The following ANKRD24 variants were observed in gnomAD, a reference collection of about 807,000 sequenced individuals.
ANKRD24 encodes the protein ankyrin repeat domain 24.
Under a neutral mutation model 127.8 loss-of-function variants are expected in ANKRD24, and 109 were observed. That is an observed-to-expected ratio of 0.85 (90% CI 0.73 to 1.00). The LOEUF is 1.00. Ranked by LOEUF, ANKRD24 falls within the 50% of genes least tolerant of loss-of-function variation. ANKRD24 has a pLI of 0.00. For missense variants in ANKRD24, 1,648 were observed against 1,570.2 expected, an observed-to-expected ratio of 1.05 and a Z score of -0.84; for synonymous variants, 743 against 671.1, an observed-to-expected ratio of 1.11 and a Z score of -1.66.
Position 4,217,491 on chromosome 19 carries a change from CG to C in ANKRD24, c.2336del (p.Gly779AlafsTer231). 2.8e-6 allele frequency: 4 copies of C among 1,414,966 alleles called. No individual in the cohort carries two copies. The highest frequency in any genetic ancestry group is 3.7e-6 in the Non-Finnish European group (4 of 1,089,778). The allele number at this position is 1,414,966 out of a possible 1,614,324, so 87.7% of individuals were successfully genotyped here. On this transcript the variant is annotated frameshift_variant, in exon 18 of 22. Transcript: ENST00000318934. LOFTEE classifies it high-confidence loss of function. ...VREAEGSGAS[G>X]GGGGDTTQLR... ...GCGAGGCCGAGGGCAGCGGGGCCAG[CG>C]GGGGCGGTGGCGGTGACACCACACA...
Position 4,199,418 on chromosome 19 carries a change from C to A in ANKRD24, c.37-265C>A. 1.3e-6 allele frequency: 1 copy of A among 780,216 alleles called. No individual in the cohort carries two copies. Among genetic ancestry groups the A allele is most frequent in the Non-Finnish European group, 1.6e-6 (1 of 642,874 alleles). The allele number at this position is 780,216 out of a possible 1,614,324, so 48.3% of individuals were successfully genotyped here. On this transcript the variant is annotated intron_variant, in intron 2 of 21. Coordinates refer to ENST00000318934, the MANE Select transcript of ANKRD24 (RefSeq NM_001393985.1). This position sits in a 1 kb window ranked among gnomAD's most constrained non-coding sequence, Gnocchi z 5.2. ...GTAGAGACGGGGTCCTACTATGGTGCCCAGGTTTGTCTCAAACTCCTAGGC... is the reference window on the plus strand; with the variant it reads ...GTAGAGACGGGGTCCTACTATGGTGACCAGGTTTGTCTCAAACTCCTAGGC...
intron 6 of ANKRD24, among the ~76,000 whole-genome samples, chr19:4,202,414 C>A (rs1391417610): frequency 6.6e-5 from 10 of 151,940 alleles, no homozygotes; most frequent in Non-Finnish European, 1.5e-5. Context: ...ACTAAAAATA[C>A]AAAAAATTAG....
intron 2 of ANKRD24, among the ~76,000 whole-genome samples, chr19:4,196,054 T>C (rs558774915): frequency 6.6e-6 from 1 of 152,332 alleles, no homozygotes; most frequent in Non-Finnish European, 1.5e-5. Flanking sequence ...GCTCCTGGTG[T>C]GGAGTGGGTG....
In ANKRD24 at chr19:4,186,473, G is replaced by A. The variant is rs767372841; in HGVS notation, c.36+12G>A. 6.3e-7 allele frequency: 1 copy of A among 1,587,926 alleles called. No individual in the cohort carries two copies. The highest frequency in any genetic ancestry group is 1.8e-5 in the Admixed American group (1 of 56,550). On this transcript the variant is annotated intron_variant, in intron 2 of 21. Coordinates refer to ENST00000318934, the MANE Select transcript of ANKRD24 (RefSeq NM_001393985.1). ...TTAAGAAGACAGAGGTGAGTGTGAG[G>A]CCCTAGATGCCCGATACACCCCTGC...
Position 4,218,109 on chromosome 19 carries a change from G to T in ANKRD24, c.2949G>T (p.Gly983=). 6.5e-7 allele frequency: 1 copy of T among 1,544,092 alleles called. No individual in the cohort carries two copies. The highest frequency in any genetic ancestry group is 8.7e-7 in the Non-Finnish European group (1 of 1,147,128). Residue 983 remains glycine, a synonymous_variant, in exon 18 of 22, where the codon GGG becomes GGT. Transcript: ENST00000318934. ...AGGCCAACGTGGCCCAGCTGGAGGGGCAGCTGGAGGAGCTGGGACGGCGGC... is the reference window on the plus strand; with the variant it reads ...AGGCCAACGTGGCCCAGCTGGAGGGTCAGCTGGAGGAGCTGGGACGGCGGC... ...TLQANVAQLE[G]QLEELGRRHE...
intron 7 of ANKRD24, among the ~76,000 whole-genome samples, chr19:4,204,019 A>C (rs1020651796): frequency 3.8e-5 from 5 of 131,020 alleles, no homozygotes; most frequent in African/African-American, 8.7e-5. Context: ...GCTGGAGTGC[A>C]GTGGCGTGAT....
At chr19:4,191,054 C>G (rs352502) in intron 2 of ANKRD24, among the ~76,000 whole-genome samples, 79,127 of 151,964 alleles carry the variant, frequency 0.52, 21,449 homozygotes, top group African/African-American at 0.67. Context: ...AAACCTCAGA[C>G]GGGTGTGAGG....
intron 7 of ANKRD24, chr19:4,207,002 C>T: frequency 1.8e-6 from 1 of 562,968 alleles, no homozygotes; most frequent in Non-Finnish European, 3.2e-6. Context: ...AACTCCTGAG[C>T]TCAAGCGGTC....
At chr19:4,216,117 C>A in intron 16 of ANKRD24, 67 bp downstream of exon 16, 1 of 1,504,066 alleles carries the variant, frequency 6.6e-7, no homozygotes. Context: ...GACGGAGCCT[C>A]TGGGTGTGGG....
In ANKRD24 at chr19:4,199,629, G is replaced by C. The variant is rs562584550; in HGVS notation, c.37-54G>C. 32 of 1,489,572 alleles carry C rather than the reference G, an allele frequency of 2.1e-5. No homozygotes were observed. In the South Asian group the frequency reaches 3.6e-4, roughly 17 times the overall value. The allele number at this position is 1,489,572 out of a possible 1,614,324, so 92.3% of individuals were successfully genotyped here. ...TGGGGGCAGATGCTGGGGGTCGCAG[G>C]CTTGGGGGACACTGTCTGAGGACCC... is the stretch of plus-strand genomic sequence containing the variant. On this transcript the variant is annotated intron_variant, in intron 2 of 21. Transcript: ENST00000318934. This position sits in a 1 kb window ranked among gnomAD's most constrained non-coding sequence, Gnocchi z 5.2.
rs555303692 is a variant in ANKRD24, at chr19:4,222,117, G to A, written c.3172-553G>A. Among the ~76,000 whole-genome samples, 14 of 152,338 alleles carry A rather than the reference G, an allele frequency of 9.2e-5. No homozygotes were observed. The East Asian group carries it at 1.2e-3, about 13-fold the overall frequency. ...AAGTTAAGAACTATTGGCCGGGCGC[G>A]GTGGCTCACGCCTGTAATCCCAGCA... is the stretch of plus-strand genomic sequence containing the variant. On this transcript the variant is annotated intron_variant, in intron 19 of 21. Transcript: ENST00000318934.
rs1970640981 is a variant in ANKRD24 at position 4,224,627 on chromosome 19, AGACCAGCCTGGTTCCCTGCCC to A, written c.*128_*148del. The A allele has an allele frequency of 2.1e-6, 2 of 957,632 alleles. No homozygotes were observed. The highest frequency in any genetic ancestry group is 3.2e-6 in the Non-Finnish European group (2 of 631,492). The allele number at this position is 957,632 out of a possible 1,614,324, so 59.3% of individuals were successfully genotyped here. A position where few individuals can be genotyped will look rare whatever the true frequency, so the allele number is the denominator to read the frequency against. ...GCCCTATCCAGGCCCATGCACTTGGAGACCAGCCTGGTTCCCTGCCCGACCACCCCCAGCTGGCTCCATCAC... is the reference window on the plus strand; with the variant it reads ...GCCCTATCCAGGCCCATGCACTTGGAGACCACCCCCAGCTGGCTCCATCAC... On this transcript the variant is annotated 3_prime_UTR_variant, in exon 22 of 22. Transcript: ENST00000318934.
intron 15 of ANKRD24, among the ~76,000 whole-genome samples, chr19:4,215,434 G>A (rs1246431318): frequency 2.7e-5 from 4 of 147,532 alleles, no homozygotes; most frequent in Non-Finnish European, 5.9e-5. Flanking sequence ...ACAGTGAGCC[G>A]AGATCGTGCC....
At chr19:4,197,171 G>C (rs553867736) in intron 2 of ANKRD24, among the ~76,000 whole-genome samples, 1 of 152,234 alleles carries the variant, frequency 6.6e-6, no homozygotes, top group East Asian at 1.9e-4. Flanking sequence ...AAGTCTGTTG[G>C]CCCTGTCATA....
intron 1 of ANKRD24, among the ~76,000 whole-genome samples, chr19:4,183,050 T>C (rs1967828213): frequency 6.6e-6 from 1 of 150,448 alleles, no homozygotes; most frequent in Non-Finnish European, 1.5e-5. Flanking sequence ...GCAATCTCGG[T>C]TCACTGCAAC....
intron 1 of ANKRD24, chr19:4,183,358 C>T: frequency 1.0e-6 from 1 of 985,802 alleles, no homozygotes; most frequent in South Asian, 4.7e-5. Flanking sequence ...GGGCTGGTGG[C>T]CTGGAGGACT....
intron 11 of ANKRD24, 160 bp downstream of exon 11, chr19:4,208,961 G>A (rs1969545318): frequency 4.1e-6 from 3 of 727,642 alleles, no homozygotes; most frequent in Non-Finnish European, 4.5e-6. Flanking sequence ...TGGCGGCAGT[G>A]TGCTCAGCCT....
chr19:4,197,628 G>A (rs889783154), intron 2 of ANKRD24, among the ~76,000 whole-genome samples: 14 of 152,062 alleles, frequency 9.2e-5, no homozygotes, highest in Non-Finnish European at 1.3e-4. Flanking sequence ...CAAATAAATG[G>A]GTGAACGAAT....
Position 4,202,998 on chromosome 19 carries a change from G to A in ANKRD24, c.466+72G>A, listed in dbSNP as rs907256877. ...TAGACTTGGGGGTTATTCTGCCCAG[G>A]GCCCTAGGGACCTGACCTGCTGTGA... On this transcript the variant is annotated intron_variant, in intron 7 of 21. Coordinates refer to ENST00000318934, the MANE Select transcript of ANKRD24 (RefSeq NM_001393985.1). 3.3e-5 allele frequency: 45 copies of A among 1,349,460 alleles called. 1 individual carries two copies. In the South Asian group the frequency reaches 6.5e-4, roughly 19 times the overall value. 83.6% of individuals were successfully genotyped at this position (1,349,460 alleles called of 1,614,324 possible). A position where few individuals can be genotyped will look rare whatever the true frequency, so the allele number is the denominator to read the frequency against.
Sources: allele counts gnomAD v4.1 joint callset (sites outside exome capture counted in the v4.1 genomes callset), GRCh38; gene constraint gnomAD v4.1.1; non-coding constraint Gnocchi (gnomAD v3.1); transcripts MANE v1.5; gene names NCBI Gene and HGNC (gene_info 2026-07-23, HGNC 2026-07-21).